Variants in MAPKAP1 observed in about 807,000 individuals in gnomAD.
MAPKAP1 encodes MAPK associated protein 1, also known as target of rapamycin complex 2 subunit MAPKAP1.
MAPKAP1 carries 20 observed loss-of-function variants against 65.7 expected under a neutral mutation model. That is an observed-to-expected ratio of 0.30 (90% CI 0.21 to 0.44). The LOEUF is 0.44. Among genes scored for constraint, MAPKAP1 ranks in the 20% least tolerant of loss-of-function variants. The probability of loss-of-function intolerance (pLI) is 1.00; values close to 1 mark genes in which losing one functional copy is unlikely to be tolerated. For missense variants in MAPKAP1, 423 were observed against 648.0 expected (o/e 0.65, Z 3.77); for synonymous variants, 222 against 244.3 (o/e 0.91, Z 0.85).
At chr9:125,588,577 T>A (rs776388169) in intron 4 of MAPKAP1, among the ~76,000 whole-genome samples, 1 of 152,210 alleles carries the variant, frequency 6.6e-6, no homozygotes, top group African/African-American at 2.4e-5. Context: ...GTGAAAAATA[T>A]GTATTTCAAA....
intron 4 of MAPKAP1, among the ~76,000 whole-genome samples, chr9:125,630,239 C>T (rs1235274103): frequency 6.6e-6 from 1 of 152,214 alleles, no homozygotes; most frequent in Non-Finnish European, 1.5e-5. Flanking sequence ...GATCCTCCTG[C>T]CTCAGCCTCC....
At chr9:125,585,225 C>T (rs1438344839) in intron 5 of MAPKAP1, among the ~76,000 whole-genome samples, 1 of 152,150 alleles carries the variant, frequency 6.6e-6, no homozygotes, top group Non-Finnish European at 1.5e-5. Flanking sequence ...TACAAAGTGC[C>T]CAGCCCAGTG....
At chr9:125,669,704 A>C (rs1834442364) in intron 3 of MAPKAP1, 114 bp downstream of exon 3, 2 of 528,438 alleles carry the variant, frequency 3.8e-6, no homozygotes, top group Non-Finnish European at 6.6e-6. Context: ...AGCTCAAAAC[A>C]CTAGAGGTAT....
intron 1 of MAPKAP1, among the ~76,000 whole-genome samples, chr9:125,686,943 C>T (rs1332029868): frequency 6.6e-6 from 1 of 151,958 alleles, no homozygotes; most frequent in African/African-American, 2.4e-5. Context: ...TCTCCTGCCT[C>T]AGCCTCCCAA....
chr9:125,450,779 C>T (rs1351838352), intron 10 of MAPKAP1, among the ~76,000 whole-genome samples: 1 of 152,186 alleles, frequency 6.6e-6, no homozygotes. Context: ...GATGGGAACA[C>T]ACATTGTTTT....
In MAPKAP1 at chr9:125,457,030, C is replaced by T. The variant is rs541311940; in HGVS notation, c.1345+10942G>A. Among the ~76,000 whole-genome samples the T allele has an allele frequency of 8.0e-3, 1,184 of 147,538 alleles. 8 individuals are homozygous for T. Among genetic ancestry groups the T allele is most frequent in the Non-Finnish European group, 0.013 (903 of 67,518 alleles). On this transcript the variant is annotated intron_variant, in intron 10 of 11. Coordinates refer to ENST00000265960, the MANE Select transcript of MAPKAP1 (RefSeq NM_001006617.3). ...TTGAGACAGAGTCTCACTCTGCTGT[C>T]CAGGCTGGAGTACAGTGGCGCGATC... is the stretch of plus-strand genomic sequence containing the variant.
intron 4 of MAPKAP1, among the ~76,000 whole-genome samples, chr9:125,614,259 T>G (rs1439981544): frequency 6.6e-6 from 1 of 152,186 alleles, no homozygotes; most frequent in African/African-American, 2.4e-5. Context: ...ACTAGAATAT[T>G]TGATGACCAA....
chr9:125,442,663 G>C (rs150213880), intron 11 of MAPKAP1, among the ~76,000 whole-genome samples: 85 of 152,204 alleles, frequency 5.6e-4, no homozygotes, highest in African/African-American at 2.0e-3. Flanking sequence ...GAAGCTCGCT[G>C]GCTGCAAGCA....
At chr9:125,558,054 ACCATGTTGG>A (rs1357503956) in intron 6 of MAPKAP1, among the ~76,000 whole-genome samples, 1 of 152,038 alleles carries the variant, frequency 6.6e-6, no homozygotes, top group Admixed American at 6.5e-5. Flanking sequence ...ACGGGGTTTC[ACCATGTTGG>A]CCAAGCTGGT....
chr9:125,479,119 C>T (rs969630272), intron 9 of MAPKAP1, among the ~76,000 whole-genome samples: 6 of 152,282 alleles, frequency 3.9e-5, no homozygotes, highest in East Asian at 3.9e-4. Context: ...AAGAGTGCTT[C>T]GATTTCAGGC....
chr9:125,481,461 C>T (rs192711424), intron 9 of MAPKAP1, among the ~76,000 whole-genome samples: 3 of 152,104 alleles, frequency 2.0e-5, no homozygotes, highest in Non-Finnish European at 4.4e-5. Flanking sequence ...CTAACACTGT[C>T]GCCCAGGCTG....
At chr9:125,680,048 T>A (rs181220195) in intron 1 of MAPKAP1, among the ~76,000 whole-genome samples, 2 of 152,328 alleles carry the variant, frequency 1.3e-5, no homozygotes, top group Non-Finnish European at 2.9e-5. Flanking sequence ...ATTTAATGTC[T>A]GCTGAGGGAG....
In MAPKAP1 at chr9:125,492,825, T is replaced by C. The variant is rs571916981; in HGVS notation, c.1067-8242A>G. Reference sequence around the variant, plus strand: ...TGGAAGATCAGTGGCCTCTGTTATATCCTCACCTTTGTCCATAGCACAATC... The same window carrying C: ...TGGAAGATCAGTGGCCTCTGTTATACCCTCACCTTTGTCCATAGCACAATC... On this transcript the variant is annotated intron_variant, in intron 8 of 11. Transcript: ENST00000265960. 5.9e-5 allele frequency among the ~76,000 whole-genome samples: 9 copies of C among 152,328 alleles called. No homozygotes were observed. The East Asian group carries it at 1.2e-3, about 20-fold the overall frequency.
chr9:125,702,333 G>C (rs533315782), intron 1 of MAPKAP1, among the ~76,000 whole-genome samples: 1 of 151,352 alleles, frequency 6.6e-6, no homozygotes, highest in Non-Finnish European at 1.5e-5. Context: ...TCGGGAGTTC[G>C]AGACCAGCCT....
intron 4 of MAPKAP1, among the ~76,000 whole-genome samples, chr9:125,609,704 TTTTTGGTAG>T (rs1272172418): frequency 1.3e-5 from 2 of 152,188 alleles, no homozygotes; most frequent in African/African-American, 2.4e-5. Flanking sequence ...CGTTTTTCTC[TTTTTGGTAG>T]TTTTGGTAGT....
chr9:125,466,856 C>T (rs1460009962), intron 10 of MAPKAP1, among the ~76,000 whole-genome samples: 3 of 152,186 alleles, frequency 2.0e-5, no homozygotes, highest in African/African-American at 7.2e-5. Flanking sequence ...ATTAAACACC[C>T]ACCCATAAAT....
chr9:125,569,486 A>G (rs1831164654), intron 5 of MAPKAP1, among the ~76,000 whole-genome samples: 1 of 152,174 alleles, frequency 6.6e-6, no homozygotes, highest in African/African-American at 2.4e-5. Context: ...ACTATCTTAA[A>G]TTTTCCTTTC....
At chr9:125,513,530 C>T (rs1184646209) in intron 7 of MAPKAP1, among the ~76,000 whole-genome samples, 2 of 152,186 alleles carry the variant, frequency 1.3e-5, no homozygotes, top group African/African-American at 4.8e-5. Flanking sequence ...GAGGGAGTAA[C>T]GCTGCCAGCT....
At chr9:125,599,604 C>CTT (rs72065538) in intron 4 of MAPKAP1, among the ~76,000 whole-genome samples, 5 of 126,470 alleles carry the variant, frequency 4.0e-5, no homozygotes, top group Admixed American at 1.6e-4. Context: ...ATGTAAGTCC[C>CTT]TTTTTTTTTT....
Sources: gnomAD v4.1 joint callset for allele counts (sites outside exome capture counted in the v4.1 genomes callset) on GRCh38, gnomAD v4.1.1 for gene constraint, MANE v1.5 for transcripts, NCBI Gene and HGNC (gene_info 2026-07-23, HGNC 2026-07-21) for gene names.